INTS6: variants seen among roughly 807,000 people sequenced by gnomAD.
INTS6 encodes DEAD box protein.
A neutral mutation model predicts 104.9 loss-of-function variants in INTS6; 16 were observed. That is an observed-to-expected ratio of 0.15 (90% CI 0.10 to 0.23). The LOEUF (loss-of-function observed/expected upper bound fraction) is 0.23. INTS6 is among the 10% of genes least tolerant of loss of function. INTS6 has a pLI of 1.00. For missense variants in INTS6, 584 were observed against 1,062.8 expected, an observed-to-expected ratio of 0.55 and a Z score of 6.26; for synonymous variants, 324 against 358.7, an observed-to-expected ratio of 0.90 and a Z score of 1.09.
At chr13:51,430,194 T>C (rs746181152) in intron 4 of INTS6, 100 bp downstream of exon 4, 290 of 935,814 alleles carry the variant, frequency 3.1e-4, no homozygotes, top group Admixed American at 4.6e-4. Context: ...TTGCATCAAA[T>C]AATCAACGAG....
At chr13:51,341,110 A>C in the INTS6 span, 5 of 1,613,432 alleles carry the variant, frequency 3.1e-6, no homozygotes, top group African/African-American at 5.3e-5. Context: ...TTTCCTGATC[A>C]CCCTCTTCCT....
chr13:51,450,860 A>G, intron 3 of INTS6, 165 bp downstream of exon 3: 1 of 1,236,640 alleles, frequency 8.1e-7, no homozygotes, highest in Non-Finnish European at 1.0e-6. Context: ...AGGGATGTAA[A>G]ATATATATAG....
At chr13:51,341,426 C>T in the INTS6 span, 7 of 1,256,438 alleles carry the variant, frequency 5.6e-6, no homozygotes, top group Admixed American at 1.0e-4. Flanking sequence ...CTCCTGCTCA[C>T]ACTCACACTC....
chr13:51,354,826 C>T (rs1215479820), intron 3 of INTS6, among the ~76,000 whole-genome samples: 1 of 152,062 alleles, frequency 6.6e-6, no homozygotes, highest in Non-Finnish European at 1.5e-5. Flanking sequence ...AATGGGAAGA[C>T]TTAGAATGAA....
rs553901001 is a variant in INTS6, at chr13:51,399,724, G to A, written c.430-4241C>T. 7.6e-5 allele frequency among the ~76,000 whole-genome samples: 9 copies of A among 118,264 alleles called. No homozygotes were observed. The East Asian group carries it at 9.8e-4, about 13-fold the overall frequency. 77.6% of individuals were successfully genotyped at this position (118,264 alleles called of 152,430 possible). A position where few individuals can be genotyped will look rare whatever the true frequency, so the allele number is the denominator to read the frequency against. On this transcript the variant is annotated intron_variant, in intron 4 of 17. Transcript: ENST00000311234. ...CCATTGTGGGTGTGTGTGTGTGTGC[G>A]TGTGTGTGCGTGTGTGTAGTGGGGT...
chr13:51,370,729 C>T (rs901094643), intron 15 of INTS6, among the ~76,000 whole-genome samples: 2 of 152,092 alleles, frequency 1.3e-5, no homozygotes, highest in Admixed American at 6.6e-5. Context: ...CAGTTTATAT[C>T]GTATTTTCAC....
chr13:51,430,508 C>A (rs1334366903), intron 3 of INTS6, 125 bp from the exon 4 acceptor site: 3 of 583,710 alleles, frequency 5.1e-6, no homozygotes, highest in Non-Finnish European at 8.8e-6. Context: ...GTAGTATGTA[C>A]CTGTTTGTAC....
intron 3 of INTS6, chr13:51,445,113 G>A (rs1237789048): frequency 6.6e-6 from 1 of 151,958 alleles, no homozygotes; most frequent in Non-Finnish European, 1.5e-5. Context: ...AACGCACTAG[G>A]GGGAGCTCCC....
chr13:51,382,270 G>A (rs1231483380), intron 9 of INTS6, 147 bp from the exon 10 acceptor site: 5 of 465,824 alleles, frequency 1.1e-5, no homozygotes, highest in Admixed American at 3.9e-5. Context: ...TAAGATTTAC[G>A]GTTTTGTCAT....
downstream of INTS6, among the ~76,000 whole-genome samples, chr13:51,350,116 G>T (rs938875788): frequency 2.6e-5 from 4 of 152,026 alleles, no homozygotes; most frequent in Non-Finnish European, 4.4e-5. Flanking sequence ...CAGTCAGCAG[G>T]CATTTTTCGT....
the INTS6 span, chr13:51,348,157 G>A: frequency 9.5e-6 from 13 of 1,371,828 alleles, 2 homozygotes; most frequent in South Asian, 1.1e-4. Flanking sequence ...GTCCGACACT[G>A]GTTCATTCTC....
intron 6 of INTS6, 98 bp from the exon 7 acceptor site, chr13:51,387,638 A>C (rs1443503728): frequency 1.1e-6 from 1 of 931,604 alleles, no homozygotes; most frequent in Non-Finnish European, 1.5e-6. Flanking sequence ...TTAATAAAAA[A>C]TTCCTAATAT....
downstream of INTS6, among the ~76,000 whole-genome samples, chr13:51,360,327 A>G (rs1336316662): frequency 2.7e-5 from 4 of 148,658 alleles, no homozygotes; most frequent in Non-Finnish European, 6.0e-5. Context: ...AATGGAGGAG[A>G]GGGGTGGGAT....
intron 4 of INTS6, among the ~76,000 whole-genome samples, chr13:51,407,719 G>T (rs905723803): frequency 6.6e-6 from 1 of 152,148 alleles, no homozygotes; most frequent in African/African-American, 2.4e-5. Flanking sequence ...CCAAATAGAC[G>T]CATACATACA....
intron 3 of INTS6, chr13:51,450,274 T>C: frequency 1.0e-6 from 1 of 985,018 alleles, no homozygotes; most frequent in Non-Finnish European, 1.2e-6. Context: ...CATAAAATGT[T>C]ACAATAGACC....
chr13:51,370,581 G>A (rs1490064275), intron 15 of INTS6, among the ~76,000 whole-genome samples: 1 of 152,144 alleles, frequency 6.6e-6, no homozygotes, highest in African/African-American at 2.4e-5. Flanking sequence ...ACATAAAGGG[G>A]AGCAAGCCCA....
chr13:51,448,461 C>T (rs1315278224), intron 3 of INTS6: 1 of 152,130 alleles, frequency 6.6e-6, no homozygotes. Flanking sequence ...AAAACATTCA[C>T]TAAGAACCAT....
At chr13:51,348,632 C>T in the INTS6 span, 1 of 387,056 alleles carries the variant, frequency 2.6e-6, no homozygotes, top group South Asian at 3.4e-5. Context: ...AATGAACTAA[C>T]TTCCCAGAGT....
rs892502051 is a variant in INTS6, at chr13:51,452,376, C to T, written c.111+39G>A. On this transcript the variant is annotated intron_variant, in intron 1 of 17. Transcript: ENST00000311234. The surrounding 1 kb of genome is among the most constrained non-coding windows in gnomAD (Gnocchi z 4.2). ...CCCCCACCCTGCCGCCCGCGGGCCG[C>T]CGGGCCGGGGTCGCCGCCCGGGCTC... is the stretch of plus-strand genomic sequence containing the variant. 1 of 1,504,098 alleles carries T rather than the reference C, an allele frequency of 6.6e-7. No homozygotes were observed. The highest frequency in any genetic ancestry group is 8.9e-7 in the Non-Finnish European group (1 of 1,125,068). 93.2% of individuals were successfully genotyped at this position (1,504,098 alleles called of 1,614,324 possible). A position where few individuals can be genotyped will look rare whatever the true frequency, so the allele number is the denominator to read the frequency against.
Sources: allele counts gnomAD v4.1 joint callset (sites outside exome capture counted in the v4.1 genomes callset), GRCh38; gene constraint gnomAD v4.1.1; non-coding constraint Gnocchi (gnomAD v3.1); transcripts MANE v1.5; gene names NCBI Gene and HGNC (gene_info 2026-07-23, HGNC 2026-07-21).